The following HSPG2 variants were observed in gnomAD, a reference collection of about 807,000 sequenced individuals.
HSPG2 encodes the protein heparan sulfate proteoglycan 2.
Under a neutral mutation model 526.6 loss-of-function variants are expected in HSPG2, and 278 were observed. That is an observed-to-expected ratio of 0.53 (90% CI 0.48 to 0.58). The LOEUF is 0.58. Ranked by LOEUF, HSPG2 falls within the 20% of genes least tolerant of loss-of-function variation. The pLI is 0.00. For missense variants in HSPG2, 5,354 were observed against 6,099.5 expected, an observed-to-expected ratio of 0.88 and a Z score of 4.07; for synonymous variants, 2,465 against 2,555.4, an observed-to-expected ratio of 0.96 and a Z score of 1.07.
At chr1:21,837,505 T>C (rs2098031447) in intron 74 of HSPG2, among the ~76,000 whole-genome samples, 1 of 151,142 alleles carries the variant, frequency 6.6e-6, no homozygotes. Flanking sequence ...CCCAGGCTGG[T>C]CTCAAACTCC....
chr1:21,914,126 T>A (rs1643808153), intron 1 of HSPG2, among the ~76,000 whole-genome samples: 1 of 152,190 alleles, frequency 6.6e-6, no homozygotes, highest in Non-Finnish European at 1.5e-5. Flanking sequence ...GCAGGTACTA[T>A]GAGCCACACA....
intron 95 of HSPG2, 89 bp from the exon 96 acceptor site, chr1:21,823,808 C>T (rs1230087158): frequency 2.0e-6 from 2 of 998,046 alleles, no homozygotes; most frequent in Non-Finnish European, 3.1e-6. Flanking sequence ...GATATCGAGA[C>T]TCCAGACTCA....
rs753315779 is a variant in HSPG2 at position 21,888,708 on chromosome 1, G to C, written c.575-642C>G. On this transcript the variant is annotated intron_variant, in intron 6 of 96. Coordinates refer to ENST00000374695, the MANE Select transcript of HSPG2 (RefSeq NM_005529.7). Reference sequence around the variant, plus strand: ...CCGCCACAGCGGCCGGCGGGGGTGGGGGGGTCTGTGCTGGAAAGGAAGATG... The same window carrying C: ...CCGCCACAGCGGCCGGCGGGGGTGGCGGGGTCTGTGCTGGAAAGGAAGATG... 7 of 1,365,392 alleles carry C rather than the reference G, an allele frequency of 5.1e-6. No homozygotes were observed. In the East Asian group the frequency reaches 3.2e-4, roughly 62 times the overall value. The allele number at this position is 1,365,392 out of a possible 1,614,324, so 84.6% of individuals were successfully genotyped here.
chr1:21,935,396 C>T (rs963620908), intron 1 of HSPG2, among the ~76,000 whole-genome samples: 8 of 152,158 alleles, frequency 5.3e-5, no homozygotes, highest in Non-Finnish European at 1.0e-4. Context: ...GCTGGGAAGG[C>T]ACAGACAGGG....
rs370569200 is a variant in HSPG2, at chr1:21,846,605, G to A, written c.8165-6C>T. ...GGGCATGGAGCTGCCAGGGGCTGGG[G>A]GAACAGAGATCAGTGAGTCGGCACA... is the stretch of plus-strand genomic sequence containing the variant. On this transcript the variant is annotated splice_region_variant and splice_polypyrimidine_tract_variant and intron_variant, in intron 62 of 96. Coordinates refer to ENST00000374695, the MANE Select transcript of HSPG2 (RefSeq NM_005529.7). The A allele has an allele frequency of 5.0e-6, 8 of 1,613,506 alleles. No individual in the cohort carries two copies. Among genetic ancestry groups the A allele is most frequent in the Non-Finnish European group, 5.9e-6 (7 of 1,180,016 alleles).
intron 1 of HSPG2, among the ~76,000 whole-genome samples, chr1:21,933,124 G>T (rs1644387580): frequency 6.6e-6 from 1 of 152,094 alleles, no homozygotes; most frequent in African/African-American, 2.4e-5. Context: ...GGGGGCTGAG[G>T]TGGGAGGATC....
intron 33 of HSPG2, among the ~76,000 whole-genome samples, chr1:21,867,824 G>A (rs1196569198): frequency 6.6e-6 from 1 of 151,764 alleles, no homozygotes; most frequent in Non-Finnish European, 1.5e-5. Context: ...TCTGCCTCCC[G>A]GGTTCAAGTG....
chr1:21,905,495 A>G (rs533485808), intron 1 of HSPG2, among the ~76,000 whole-genome samples: 2 of 152,294 alleles, frequency 1.3e-5, no homozygotes, highest in East Asian at 3.9e-4. Context: ...TAATCCCAGC[A>G]CATTGGGAGG....
chr1:21,900,255 G>A (rs765929810), intron 1 of HSPG2, among the ~76,000 whole-genome samples: 1 of 152,212 alleles, frequency 6.6e-6, no homozygotes, highest in Non-Finnish European at 1.5e-5. Flanking sequence ...TCCTGGTTTG[G>A]CGGTGTGCAG....
intron 33 of HSPG2, among the ~76,000 whole-genome samples, chr1:21,868,066 T>A (rs1640378184): frequency 6.8e-6 from 1 of 146,458 alleles, no homozygotes; most frequent in Admixed American, 7.0e-5. Flanking sequence ...TGAGATGGAG[T>A]CTTGCTCTGT....
chr1:21,935,689 G>A (rs954409961), intron 1 of HSPG2, among the ~76,000 whole-genome samples: 2 of 152,202 alleles, frequency 1.3e-5, no homozygotes, highest in Non-Finnish European at 2.9e-5. Flanking sequence ...GCCCCTCATC[G>A]GGGGCAGAGC....
intron 47 of HSPG2, 54 bp downstream of exon 47, chr1:21,855,250 G>A: frequency 6.4e-7 from 1 of 1,561,674 alleles, no homozygotes; most frequent in Non-Finnish European, 8.7e-7. Flanking sequence ...AGGTGGCTGG[G>A]ACTCTCTGCA....
chr1:21,837,753 CCA>C (rs1024824664), intron 74 of HSPG2, among the ~76,000 whole-genome samples: 3 of 152,158 alleles, frequency 2.0e-5, no homozygotes, highest in Non-Finnish European at 4.4e-5. Context: ...CTACTGCGAG[CCA>C]CAGTTTTACA....
Position 21,836,825 on chromosome 1 carries a change from G to A in HSPG2, c.10332C>T (p.His3444=). Residue 3444 remains histidine, a synonymous_variant, in exon 75 of 97, where the codon CAC becomes CAT. Transcript: ENST00000374695. ...FKEGGQLPPG[H]SVQDGVLRIQ... ...ACCGGAGCACCCCATCCTGCACGCT[G>A]TGACCCGGAGGCAGCTGACCCCCTT... 6.4e-7 allele frequency: 1 copy of A among 1,572,466 alleles called. No homozygotes were observed. Among genetic ancestry groups the A allele is most frequent in the Non-Finnish European group, 8.6e-7 (1 of 1,161,562 alleles).
intron 13 of HSPG2, among the ~76,000 whole-genome samples, chr1:21,881,942 C>CA (rs10570430): frequency 2.6e-4 from 23 of 87,212 alleles, no homozygotes; most frequent in African/African-American, 6.9e-4. Context: ...GACTCTGTCT[C>CA]AAAAAAAAAA....
chr1:21,894,808 C>A (rs1642630644), intron 3 of HSPG2, among the ~76,000 whole-genome samples: 1 of 152,152 alleles, frequency 6.6e-6, no homozygotes, highest in African/African-American at 2.4e-5. Flanking sequence ...ACGGGACGTG[C>A]CATGTGTGCC....
intron 37 of HSPG2, among the ~76,000 whole-genome samples, chr1:21,862,830 G>GGGAGGCCGAGA (rs1557739939): frequency 3.0e-3 from 5 of 1,692 alleles, no homozygotes; most frequent in African/African-American, 3.1e-3. Flanking sequence ...ATCTCAGGAC[G>GGGAGGCCGAGA]TGGGTGGATC....
At chr1:21,916,678 C>T (rs1472391857) in intron 1 of HSPG2, among the ~76,000 whole-genome samples, 3 of 134,184 alleles carry the variant, frequency 2.2e-5, no homozygotes, top group Admixed American at 8.2e-5. Context: ...GGCGACAGTG[C>T]GAGACTCCAT....
Position 21,843,352 on chromosome 1 carries a change from G to A in HSPG2, c.8703C>T (p.Thr2901=). Reference sequence around the variant, plus strand: ...TTGTGACCAGGACAGATGCCTCCAGGGTGCCTGAGCTTCCGGTCACTTGGC... The same window carrying A: ...TTGTGACCAGGACAGATGCCTCCAGAGTGCCTGAGCTTCCGGTCACTTGGC... ...YSCQVTGSSG[T]LEASVLVTIE... The change falls in exon 66 of 97, where the codon ACC becomes ACT. Residue 2901 remains threonine (T), a synonymous_variant. Transcript: ENST00000374695. The A allele has an allele frequency of 6.2e-7, 1 of 1,614,116 alleles. No homozygotes were observed.
Sources: gnomAD v4.1 joint callset for allele counts (sites outside exome capture counted in the v4.1 genomes callset) on GRCh38, gnomAD v4.1.1 for gene constraint, MANE v1.5 for transcripts, NCBI Gene and HGNC (gene_info 2026-07-23, HGNC 2026-07-21) for gene names.